Variants in PCDHA8 observed in about 807,000 individuals in gnomAD.
PCDHA8 encodes protocadherin alpha 8, also known as protocadherin alpha-8.
A neutral mutation model predicts 61.8 loss-of-function variants in PCDHA8; 53 were observed. That is an observed-to-expected ratio of 0.86 (90% CI 0.69 to 1.08). PCDHA8 has a LOEUF of 1.08. Ranked by LOEUF, PCDHA8 falls within the 50% of genes least tolerant of loss-of-function variation. PCDHA8 has a pLI of 0.00. For missense variants in PCDHA8, 1,293 were observed against 1,245.0 expected, an observed-to-expected ratio of 1.04 and a Z score of -0.58; for synonymous variants, 618 against 556.6, an observed-to-expected ratio of 1.11 and a Z score of -1.55.
intron 1 of PCDHA8, among the ~76,000 whole-genome samples, chr5:140,892,021 G>A (rs2063355611): frequency 6.6e-6 from 1 of 152,160 alleles, no homozygotes; most frequent in Admixed American, 6.5e-5. Context: ...AGCACAAATG[G>A]TCTAAGATAC....
intron 1 of PCDHA8, among the ~76,000 whole-genome samples, chr5:140,971,045 T>C (rs2096453995): frequency 6.6e-6 from 1 of 152,090 alleles, no homozygotes; most frequent in East Asian, 1.9e-4. Context: ...CGTAAAAGGG[T>C]TTAGCTTTAA....
At chr5:140,926,583 G>C in intron 1 of PCDHA8, 1 of 279,462 alleles carries the variant, frequency 3.6e-6, no homozygotes, top group Non-Finnish European at 6.6e-6. Context: ...AGCACCTCTC[G>C]CGCCCGGGCG....
intron 1 of PCDHA8, among the ~76,000 whole-genome samples, chr5:140,961,630 C>A (rs1387087976): frequency 1.3e-5 from 2 of 152,136 alleles, no homozygotes; most frequent in Non-Finnish European, 2.9e-5. Context: ...ATATGAAAAA[C>A]AATCTTAAGT....
rs138893413 is a variant in PCDHA8, at chr5:140,976,899, T to C, written c.2395-2050T>C. Among the ~76,000 whole-genome samples, 191 of 152,340 alleles carry C rather than the reference T, an allele frequency of 1.3e-3. 1 individual carries two copies. The highest frequency in any genetic ancestry group is 4.3e-3 in the African/African-American group (179 of 41,576). ...AAGAATTAGGATACATGCAACAGTA[T>C]GTAATAAAGTGCAAAATCTAGTACT... On this transcript the variant is annotated intron_variant, in intron 1 of 3. Transcript: ENST00000531613.
chr5:140,948,637 T>C (rs2094284946), intron 1 of PCDHA8, among the ~76,000 whole-genome samples: 1 of 151,712 alleles, frequency 6.6e-6, no homozygotes, highest in Non-Finnish European at 1.5e-5. Context: ...TATTCTCTCA[T>C]CTTTTAACGT....
intron 1 of PCDHA8, among the ~76,000 whole-genome samples, chr5:140,973,030 C>G (rs1274875201): frequency 1.3e-5 from 2 of 152,014 alleles, no homozygotes; most frequent in African/African-American, 4.8e-5. Context: ...TAATGAGTCA[C>G]TTTGAGTACT....
chr5:140,938,650 A>G (rs184257234), intron 1 of PCDHA8, among the ~76,000 whole-genome samples: 3 of 152,214 alleles, frequency 2.0e-5, no homozygotes, highest in Non-Finnish European at 2.9e-5. Flanking sequence ...ATCCTTCTTT[A>G]TATCATTAGA....
chr5:140,881,099 C>G (rs1554171750), intron 1 of PCDHA8, among the ~76,000 whole-genome samples: 1 of 152,108 alleles, frequency 6.6e-6, no homozygotes, highest in East Asian at 1.9e-4. Flanking sequence ...TTCATTACAC[C>G]ATTTGGCCTG....
chr5:140,868,968 C>G (rs782210353), intron 1 of PCDHA8: 16 of 1,446,356 alleles, frequency 1.1e-5, no homozygotes, highest in Middle Eastern at 2.0e-4. Flanking sequence ...TACAAAGGAA[C>G]TCCATCATAC....
chr5:141,000,393 CTCTATATA>C (rs1486021873), intron 3 of PCDHA8, among the ~76,000 whole-genome samples: 100 of 52,828 alleles, frequency 1.9e-3, no homozygotes, highest in Middle Eastern at 0.012. Context: ...CTCTCTCTCT[CTCTATATA>C]TATATATATA....
intron 3 of PCDHA8, among the ~76,000 whole-genome samples, chr5:140,999,676 C>T: frequency 6.6e-6 from 1 of 152,086 alleles, no homozygotes; most frequent in East Asian, 1.9e-4. Flanking sequence ...GGGGGGCTCA[C>T]AGAAAGAAGA....
intron 1 of PCDHA8, chr5:140,871,083 C>A: frequency 1.1e-5 from 18 of 1,613,186 alleles, no homozygotes; most frequent in Non-Finnish European, 1.4e-5. Flanking sequence ...CGCTGACGGC[C>A]ACGGCCACCG....
chr5:140,855,791 A>T, intron 1 of PCDHA8: 1 of 446,278 alleles, frequency 2.2e-6, no homozygotes, highest in Non-Finnish European at 4.0e-6. Flanking sequence ...AAAAAGAATT[A>T]ACATATGAAT....
Position 141,010,460 on chromosome 5 carries a change from A to G in PCDHA8, c.*523A>G. ...AGACAAATAAACAGCGGAAGTTATC[A>G]GTATGGAGGGGAAGTGTAAACTTAA... On this transcript the variant is annotated 3_prime_UTR_variant, in exon 4 of 4. Coordinates refer to ENST00000531613, the MANE Select transcript of PCDHA8 (RefSeq NM_018911.3). The G allele has an allele frequency of 1.2e-6, 1 of 835,130 alleles. No individual in the cohort carries two copies. The highest frequency in any genetic ancestry group is 1.8e-6 in the Non-Finnish European group (1 of 562,732). The allele number at this position is 835,130 out of a possible 1,614,324, so 51.7% of individuals were successfully genotyped here.
Position 140,842,183 on chromosome 5 carries a change from A to G in PCDHA8, c.862A>G (p.Met288Val), listed in dbSNP as rs1554138845. The change falls in exon 1 of 4, where the codon ATG becomes GTG. Residue 288 changes from methionine (M) to valine (V), a missense_variant. Physicochemically the swap from Met to Val is conservative, Grantham distance 21. Transcript: ENST00000531613. ...TTCTTTTAATAGCCTTGTTGAAACT[A>G]TGGTTATTGACCACTTTAGCATAGA... is the stretch of plus-strand genomic sequence containing the variant. ...SYSFNSLVET[M>V]VIDHFSIDRN... The G allele has an allele frequency of 1.9e-6, 3 of 1,613,754 alleles. No individual in the cohort carries two copies. In the East Asian group the frequency reaches 6.7e-5, roughly 36 times the overall value.
At chr5:140,968,722 T>C (rs1379540261) in intron 1 of PCDHA8, 2 of 1,613,846 alleles carry the variant, frequency 1.2e-6, no homozygotes, top group Admixed American at 1.7e-5. Context: ...GAGATGAGAG[T>C]GGTAGCACTT....
At chr5:140,902,761 G>A (rs58783050) in intron 1 of PCDHA8, among the ~76,000 whole-genome samples, 3,599 of 148,306 alleles carry the variant, frequency 0.024, 139 homozygotes, top group African/African-American at 0.083. Flanking sequence ...TCATTCTTAT[G>A]TCTTTGCATT....
intron 1 of PCDHA8, chr5:140,870,895 G>A (rs2052513329): frequency 6.2e-7 from 1 of 1,613,844 alleles, no homozygotes; most frequent in African/African-American, 1.3e-5. Flanking sequence ...CGCAGTGGAT[G>A]CGGACTCAGG....
chr5:140,983,704 A>T (rs1364816662), intron 3 of PCDHA8, among the ~76,000 whole-genome samples: 3 of 152,226 alleles, frequency 2.0e-5, no homozygotes, highest in Non-Finnish European at 4.4e-5. Flanking sequence ...AAATCCAAGT[A>T]TATCTAGCAC....
Sources: allele counts gnomAD v4.1 joint callset (sites outside exome capture counted in the v4.1 genomes callset), GRCh38; gene constraint gnomAD v4.1.1; transcripts MANE v1.5; gene names NCBI Gene and HGNC (gene_info 2026-07-23, HGNC 2026-07-21).